SLC44A2: variants seen among roughly 807,000 people sequenced by gnomAD.
SLC44A2 encodes solute carrier family 44 member 2 (CTL2 blood group), also known as choline transporter-like protein 2.
A neutral mutation model predicts 90.8 loss-of-function variants in SLC44A2; 57 were observed. The observed-to-expected ratio is 0.63, with a 90% CI of 0.51 to 0.78. The LOEUF is 0.78. Among genes scored for constraint, SLC44A2 ranks in the 30% least tolerant of loss-of-function variants. The probability of loss-of-function intolerance (pLI) is 0.00; values close to 1 mark genes in which losing one functional copy is unlikely to be tolerated. For synonymous variants in SLC44A2, 355 were observed against 360.7 expected, an observed-to-expected ratio of 0.98 and a Z score of 0.18; for missense variants, 794 against 919.7, an observed-to-expected ratio of 0.86 and a Z score of 1.77.
At position 10,627,777 on chromosome 19, in the gene SLC44A2, G is replaced by A. The variant is rs746859449; in HGVS notation, c.142G>A (p.Val48Met). The A allele has an allele frequency of 5.6e-6, 9 of 1,613,940 alleles. No homozygotes were observed. Among genetic ancestry groups the A allele is most frequent in the South Asian group, 2.2e-5 (2 of 91,088 alleles). Residue 48 changes from valine (V) to methionine (M), a missense_variant, in exon 3 of 22, where the codon GTG (valine) becomes ATG (methionine). Transcript: ENST00000335757. Reference sequence around the variant, plus strand: ...CCTGCTCCTGGCCATTGTGGGCTACGTGGCTGTAGGCATCATAGGTGAGTA... The same window carrying A: ...CCTGCTCCTGGCCATTGTGGGCTACATGGCTGTAGGCATCATAGGTGAGTA... ...VFLLLAIVGY[V>M]AVGIIAWTHG...
At chr19:10,643,007 G>A (rs1028988958) in intron 21 of SLC44A2, 4 of 1,566,138 alleles carry the variant, frequency 2.6e-6, no homozygotes, top group Non-Finnish European at 3.4e-6. Context: ...GCGGGCAGAA[G>A]CCGAGGAGTA....
intron 1 of SLC44A2, among the ~76,000 whole-genome samples, chr19:10,618,305 G>T (rs1184282632): frequency 2.6e-5 from 4 of 151,234 alleles, no homozygotes; most frequent in African/African-American, 7.3e-5. Context: ...CTCCCGAGTA[G>T]CTGGGACTAC....
Position 10,643,512 on chromosome 19 carries a change from C to A in SLC44A2, c.*127C>A. 9.1e-7 allele frequency: 1 copy of A among 1,095,434 alleles called. No individual in the cohort carries two copies. Among genetic ancestry groups the A allele is most frequent in the Non-Finnish European group, 1.3e-6 (1 of 788,482 alleles). 67.9% of individuals were successfully genotyped at this position (1,095,434 alleles called of 1,614,324 possible). A position where few individuals can be genotyped will look rare whatever the true frequency, so the allele number is the denominator to read the frequency against. ...TGCCGCTCTGCCCCTCCCCATGAGC[C>A]AGATCCCACCAGTTTCTGGACGTGG... On this transcript the variant is annotated 3_prime_UTR_variant, in exon 22 of 22. Transcript: ENST00000335757.
intron 1 of SLC44A2, among the ~76,000 whole-genome samples, chr19:10,606,617 C>G (rs1918110951): frequency 6.6e-6 from 1 of 152,054 alleles, no homozygotes; most frequent in Non-Finnish European, 1.5e-5. Flanking sequence ...TTGAGACCAA[C>G]CTTACCAATA....
chr19:10,639,787 A>G (rs1407948709), intron 20 of SLC44A2, among the ~76,000 whole-genome samples: 1 of 152,096 alleles, frequency 6.6e-6, no homozygotes, highest in Non-Finnish European at 1.5e-5. Flanking sequence ...AGGCTGAGGC[A>G]GGAGAACTGC....
intron 1 of SLC44A2, among the ~76,000 whole-genome samples, chr19:10,617,644 A>G (rs2043305): frequency 0.81 from 123,945 of 152,158 alleles, 50,634 homozygotes; most frequent in African/African-American, 0.87. Flanking sequence ...AACACCCTCC[A>G]TGGCTCCCAC....
chr19:10,631,735 G>T lies in SLC44A2; in HGVS notation c.612G>T (p.Leu204=). The T allele has an allele frequency of 6.2e-7, 1 of 1,613,382 alleles. No individual in the cohort carries two copies. ...GCTCCCGGAAAAACATCACAGACCTGGTGGAGGGCGCCAAGTGAGGATATT... is the reference window on the plus strand; with the variant it reads ...GCTCCCGGAAAAACATCACAGACCTTGTGGAGGGCGCCAAGTGAGGATATT... ...GHGSRKNITD[L]VEGAKKANGV... Residue 204 remains leucine (L), a synonymous_variant, in exon 8 of 22, where the codon CTG becomes CTT. Coordinates refer to ENST00000335757, the MANE Select transcript of SLC44A2 (RefSeq NM_020428.4).
rs138368308 is a variant in SLC44A2, at chr19:10,631,305, C to T, written c.361C>T (p.Leu121Phe). Residue 121 changes from leucine (L) to phenylalanine (F), a missense_variant, in exon 6 of 22, where the codon CTC (leucine) becomes TTC (phenylalanine). By Grantham distance (22) the Leu-to-Phe change is conservative. Coordinates refer to ENST00000335757, the MANE Select transcript of SLC44A2 (RefSeq NM_020428.4). ...CGTGGAAAAATGCCCCGACCGCTAC[C>T]TCACGTACCTGAATGCTCGCAGCTC... ...ICVEKCPDRY[L>F]TYLNARSSRD... is the part of the protein sequence containing the mutation. The T allele has an allele frequency of 1.6e-4, 257 of 1,614,054 alleles. No homozygotes were observed. Among genetic ancestry groups the T allele is most frequent in the Admixed American group, 3.7e-4 (22 of 59,970 alleles).
chr19:10,605,235 G>T lies in SLC44A2; in HGVS notation c.31+2674G>T, dbSNP rs544438386. ...ATCTCTACAAAAAATAACAAAAAAT[G>T]CCAGCCACAGTGGTTCATGCCTGTA... On this transcript the variant is annotated intron_variant, in intron 1 of 21. Transcript: ENST00000407327. 5.9e-5 allele frequency among the ~76,000 whole-genome samples: 9 copies of T among 152,196 alleles called. No individual in the cohort carries two copies. In the South Asian group the frequency reaches 1.7e-3, roughly 28 times the overall value.
chr19:10,634,055 C>T (rs562352439), intron 10 of SLC44A2, among the ~76,000 whole-genome samples: 5 of 146,286 alleles, frequency 3.4e-5, no homozygotes, highest in East Asian at 2.0e-4. Flanking sequence ...ACTGCAACCT[C>T]CGCCTCCCGG....
chr19:10,618,618 T>G (rs1310002167), intron 1 of SLC44A2, among the ~76,000 whole-genome samples: 3 of 151,618 alleles, frequency 2.0e-5, no homozygotes, highest in Non-Finnish European at 4.4e-5. Flanking sequence ...TAGCTGAGAC[T>G]ACAGGTGTCT....
chr19:10,619,792 T>A (rs2066883740), intron 1 of SLC44A2, among the ~76,000 whole-genome samples: 1 of 151,750 alleles, frequency 6.6e-6, no homozygotes, highest in Admixed American at 6.6e-5. Context: ...CCATCTCTAC[T>A]AAAATACAAA....
At chr19:10,642,527 C>G in intron 21 of SLC44A2, 76 bp downstream of exon 21, 1 of 1,357,830 alleles carries the variant, frequency 7.4e-7, no homozygotes, top group East Asian at 2.3e-5. Flanking sequence ...CACCCTCCAA[C>G]GGGGCAACAC....
At chr19:10,634,223 C>T (rs1185479162) in intron 10 of SLC44A2, among the ~76,000 whole-genome samples, 10 of 143,232 alleles carry the variant, frequency 7.0e-5, no homozygotes, top group African/African-American at 2.3e-4. Flanking sequence ...CTCCTGACCT[C>T]GTGATCCACC....
chr19:10,642,228 T>C (rs935337454), intron 20 of SLC44A2, 139 bp from the exon 21 acceptor site: 9 of 547,092 alleles, frequency 1.6e-5, no homozygotes, highest in Non-Finnish European at 3.0e-5. Flanking sequence ...CCAGCGGGGG[T>C]GAGGGGTTGG....
chr19:10,631,343 G>A lies in SLC44A2; in HGVS notation c.399G>A (p.Glu133=), dbSNP rs368457900. Residue 133 remains glutamate, a synonymous_variant, in exon 6 of 22, where the codon GAG becomes GAA. Transcript: ENST00000335757. ...ATGCTCGCAGCTCCCGGGACTTTGAGTACTATAAGCAGTTCTGTGTTCCTG... is the reference window on the plus strand; with the variant it reads ...ATGCTCGCAGCTCCCGGGACTTTGAATACTATAAGCAGTTCTGTGTTCCTG... ...YLNARSSRDF[E]YYKQFCVPGF... is the part of the protein sequence containing the mutation. 21 of 1,614,200 alleles carry A rather than the reference G, an allele frequency of 1.3e-5. No homozygotes were observed. Among genetic ancestry groups the A allele is most frequent in the Non-Finnish European group, 1.7e-5 (20 of 1,180,050 alleles).
chr19:10,607,002 C>T (rs1057204414), intron 1 of SLC44A2, among the ~76,000 whole-genome samples: 51 of 149,876 alleles, frequency 3.4e-4, no homozygotes, highest in Non-Finnish European at 6.7e-4. Flanking sequence ...AGCTCCGCCT[C>T]CCGGGTTCAC....
intron 1 of SLC44A2, among the ~76,000 whole-genome samples, chr19:10,607,994 G>A (rs551557788): frequency 0.066 from 9,887 of 150,924 alleles, 371 homozygotes; most frequent in Middle Eastern, 0.13. Flanking sequence ...ATCCGCCCCC[G>A]CCTCGGCCTC....
chr19:10,637,617 T>C (rs1568454681), intron 16 of SLC44A2, 27 bp from the exon 17 acceptor site: 1 of 1,607,384 alleles, frequency 6.2e-7, no homozygotes, highest in East Asian at 2.2e-5. Flanking sequence ...GTCCCCTCAC[T>C]TCCACATCCC....
Sources: allele counts gnomAD v4.1 joint callset (sites outside exome capture counted in the v4.1 genomes callset), GRCh38; gene constraint gnomAD v4.1.1; transcripts MANE v1.5; gene names NCBI Gene and HGNC (gene_info 2026-07-23, HGNC 2026-07-21).